Variants in SLC28A2 observed in about 807,000 individuals in gnomAD.
The protein encoded by SLC28A2 is solute carrier family 28 member 2.
In SLC28A2, 69 loss-of-function variants were observed where a neutral mutation model predicts 72.9. The observed-to-expected ratio is 0.95, with a 90% CI of 0.78 to 1.16. The LOEUF (loss-of-function observed/expected upper bound fraction) is 1.16, where lower values mean the gene tolerates loss of function less well. SLC28A2 is among the 50% of genes most tolerant of loss of function. The probability of loss-of-function intolerance (pLI) is 0.00; values close to 1 mark genes in which losing one functional copy is unlikely to be tolerated. For missense variants in SLC28A2, 745 were observed against 791.1 expected, an observed-to-expected ratio of 0.94 and a Z score of 0.70; for synonymous variants, 296 against 294.1, an observed-to-expected ratio of 1.01 and a Z score of -0.07.
At chr15:45,270,523 A>G (rs1427990411) in intron 15 of SLC28A2, among the ~76,000 whole-genome samples, 1 of 152,158 alleles carries the variant, frequency 6.6e-6, no homozygotes, top group Non-Finnish European at 1.5e-5. Flanking sequence ...CCAAAAACTA[A>G]TTTTATTTTA....
chr15:45,266,084 G>A lies in SLC28A2; in HGVS notation c.865G>A (p.Ala289Thr), dbSNP rs771785756. The A allele has an allele frequency of 2.7e-5, 43 of 1,609,776 alleles. No homozygotes were observed. The Middle Eastern group carries it at 4.9e-4, about 18-fold the overall frequency. The change falls in exon 10 of 18, where the codon GCC becomes ACC. Residue 289 changes from alanine to threonine, a missense_variant. Physicochemically the swap from Ala to Thr is moderately conservative, Grantham distance 58. Transcript: ENST00000347644. ...TTAGGTTTCTGTATTCTTCTAGGTC[G>A]CCTGGTTTTTACAAATCACTATGGG... ...GLVQWVVQKV[A>T]WFLQITMGTT...
intron 12 of SLC28A2, 63 bp from the exon 13 acceptor site, chr15:45,268,147 C>G: frequency 6.7e-7 from 1 of 1,497,506 alleles, no homozygotes; most frequent in Non-Finnish European, 9.1e-7. Context: ...TGGGATTTCT[C>G]TTCTCTGAGG....
intron 17 of SLC28A2, among the ~76,000 whole-genome samples, chr15:45,274,889 C>T (rs1390596507): frequency 6.6e-6 from 1 of 152,008 alleles, no homozygotes; most frequent in Non-Finnish European, 1.5e-5. Flanking sequence ...TGTCACCATG[C>T]CTGGTTAATT....
chr15:45,271,584 G>GGAAGGAAA (rs1270925871), intron 15 of SLC28A2, among the ~76,000 whole-genome samples: 1 of 148,368 alleles, frequency 6.7e-6, no homozygotes, highest in African/African-American at 2.5e-5. Context: ...AGAAAAGGAA[G>GGAAGGAAA]GAAGGAAGGA....
rs149533268 is a variant in SLC28A2, at chr15:45,270,217, C to T, written c.1589C>T (p.Thr530Ile). 5.8e-5 allele frequency: 94 copies of T among 1,613,320 alleles called. No homozygotes were observed. In the African/African-American group the frequency reaches 1.1e-3, roughly 18 times the overall value. ...WISVRAEIIT[T>I]FSLCGFANLS... is the part of the protein sequence containing the mutation. ...TAGGTGAGAGCTGAAATCATTACAA[C>T]ATTTTCACTCTGTGGATTTGCCAAT... Residue 530 changes from threonine (T) to isoleucine (I), a missense_variant, in exon 15 of 18, where the codon ACA (threonine) becomes ATA (isoleucine). Coordinates refer to ENST00000347644, the MANE Select transcript of SLC28A2 (RefSeq NM_004212.4).
At chr15:45,263,633 T>C (rs1233576239) in intron 5 of SLC28A2, among the ~76,000 whole-genome samples, 1 of 152,202 alleles carries the variant, frequency 6.6e-6, no homozygotes, top group Non-Finnish European at 1.5e-5. Context: ...TTTTATGCTT[T>C]TTTTCTCTCT....
rs774890810 is a variant in SLC28A2 at position 45,264,028 on chromosome 15, T to G, written c.588+6T>G. On this transcript the variant is annotated splice_donor_region_variant and intron_variant, in intron 6 of 17. Transcript: ENST00000347644. ...GCTCCAAACACCACAGCGCAGTGAG[T>G]TTTGGGTATTTGGGTTGGGTATAGC... 1.2e-6 allele frequency: 2 copies of G among 1,606,090 alleles called. No individual in the cohort carries two copies. Among genetic ancestry groups the G allele is most frequent in the Non-Finnish European group, 1.7e-6 (2 of 1,175,824 alleles).
chr15:45,263,022 C>G (rs775247625), intron 4 of SLC28A2, 39 bp from the exon 5 acceptor site: 2 of 1,562,828 alleles, frequency 1.3e-6, no homozygotes, highest in Non-Finnish European at 8.7e-7. Flanking sequence ...ATTGGAAGCA[C>G]TGCCTTGCTG....
intron 15 of SLC28A2, 29 bp from the exon 16 acceptor site, chr15:45,272,266 C>G (rs1460099920): frequency 6.3e-7 from 1 of 1,593,842 alleles, no homozygotes; most frequent in South Asian, 1.1e-5. Flanking sequence ...TGGGGAAAAG[C>G]TGAAGTTATT....
chr15:45,252,820 G>A (rs747098804), intron 1 of SLC28A2, among the ~76,000 whole-genome samples: 3 of 152,084 alleles, frequency 2.0e-5, no homozygotes, highest in Non-Finnish European at 2.9e-5. Flanking sequence ...GCTCAGTGGG[G>A]CCTCCCTGGG....
chr15:45,272,586 G>A (rs1398954383), intron 16 of SLC28A2, 87 bp from the exon 17 acceptor site: 1 of 885,478 alleles, frequency 1.1e-6, no homozygotes, highest in Non-Finnish European at 1.9e-6. Context: ...CTAATCAAGA[G>A]TGTCCACAAT....
chr15:45,255,611 G>A (rs931693866), intron 3 of SLC28A2, among the ~76,000 whole-genome samples: 4 of 151,958 alleles, frequency 2.6e-5, no homozygotes, highest in Non-Finnish European at 4.4e-5. Flanking sequence ...TACAGTATTC[G>A]CCTGTAACGT....
At position 45,267,648 on chromosome 15, in the gene SLC28A2, A is replaced by G. The variant is rs1173281503; in HGVS notation, c.1069-18A>G. 1.2e-6 allele frequency: 2 copies of G among 1,614,056 alleles called. No individual in the cohort carries two copies. Among genetic ancestry groups the G allele is most frequent in the Non-Finnish European group, 1.7e-6 (2 of 1,180,010 alleles). ...GGGTTTGATAGAAACACTGATGCCTAAGTCTGGCGCCTCACAGGTTGATGC... is the reference window on the plus strand; with the variant it reads ...GGGTTTGATAGAAACACTGATGCCTGAGTCTGGCGCCTCACAGGTTGATGC... On this transcript the variant is annotated intron_variant, in intron 11 of 17. Coordinates refer to ENST00000347644, the MANE Select transcript of SLC28A2 (RefSeq NM_004212.4).
Position 45,272,283 on chromosome 15 carries a change from T to C in SLC28A2, c.1649-12T>C. Reference sequence around the variant, plus strand: ...GGGAAAAGCTGAAGTTATTTTATTTTATTGTCTGCAGCATCAATAGTACCT... The same window carrying C: ...GGGAAAAGCTGAAGTTATTTTATTTCATTGTCTGCAGCATCAATAGTACCT... On this transcript the variant is annotated splice_polypyrimidine_tract_variant and intron_variant, in intron 15 of 17. Coordinates refer to ENST00000347644, the MANE Select transcript of SLC28A2 (RefSeq NM_004212.4). 1 of 1,610,874 alleles carries C rather than the reference T, an allele frequency of 6.2e-7. No homozygotes were observed. The highest frequency in any genetic ancestry group is 8.5e-7 in the Non-Finnish European group (1 of 1,178,404).
intron 3 of SLC28A2, among the ~76,000 whole-genome samples, chr15:45,257,375 C>A (rs898092521): frequency 1.3e-5 from 2 of 152,112 alleles, no homozygotes; most frequent in Non-Finnish European, 2.9e-5. Flanking sequence ...TATATTATAT[C>A]CCCTATACTG....
Position 45,267,725 on chromosome 15 carries a change from A to G in SLC28A2, c.1128A>G (p.Ser376=). The G allele has an allele frequency of 6.2e-7, 1 of 1,614,078 alleles. No individual in the cohort carries two copies. Among genetic ancestry groups the G allele is most frequent in the Non-Finnish European group, 8.5e-7 (1 of 1,180,008 alleles). Reference sequence around the variant, plus strand: ...TGGCCGCCCCTTGTGCTCTCGCCTCATCAAAGCTAGCGTATCCGGAAGTGG... The same window carrying G: ...TGGCCGCCCCTTGTGCTCTCGCCTCGTCAAAGCTAGCGTATCCGGAAGTGG... ...SVMAAPCALA[S]SKLAYPEVEE... Residue 376 remains serine (S), a synonymous_variant, in exon 12 of 18, where the codon TCA becomes TCG. Coordinates refer to ENST00000347644, the MANE Select transcript of SLC28A2 (RefSeq NM_004212.4).
intron 10 of SLC28A2, among the ~76,000 whole-genome samples, chr15:45,266,818 A>G (rs1225466658): frequency 6.6e-6 from 1 of 152,184 alleles, no homozygotes; most frequent in Non-Finnish European, 1.5e-5. Context: ...CTAGTTTCCT[A>G]TGTGAGACTA....
rs1222333040 is a variant in SLC28A2 at position 45,277,310 on chromosome 15, C to G, written c.*1797C>G. 6.6e-6 allele frequency: 1 copy of G among 151,548 alleles called. No individual in the cohort carries two copies. The highest frequency in any genetic ancestry group is 6.6e-5 in the Admixed American group (1 of 15,220). The allele number at this position is 151,548 out of a possible 1,614,324, so 9.4% of individuals were successfully genotyped here. ...AGTTAAACACAGAATTACCATAGAG[C>G]CCCACAATTCCACTCCTACATACAC... On this transcript the variant is annotated 3_prime_UTR_variant, in exon 18 of 18. Coordinates refer to ENST00000347644, the MANE Select transcript of SLC28A2 (RefSeq NM_004212.4).
chr15:45,255,709 C>T (rs1188657475), intron 3 of SLC28A2, among the ~76,000 whole-genome samples: 1 of 152,044 alleles, frequency 6.6e-6, no homozygotes, highest in Non-Finnish European at 1.5e-5. Flanking sequence ...ATAAAATTTC[C>T]ACCATACACA....
Sources: allele counts gnomAD v4.1 joint callset (sites outside exome capture counted in the v4.1 genomes callset), GRCh38; gene constraint gnomAD v4.1.1; transcripts MANE v1.5; gene names NCBI Gene and HGNC (gene_info 2026-07-23, HGNC 2026-07-21).